RAP1GDS1: variants seen among roughly 807,000 people sequenced by gnomAD.
The protein encoded by RAP1GDS1 is Rap1 GTPase-GDP dissociation stimulator 1.
Under a neutral mutation model 71.1 loss-of-function variants are expected in RAP1GDS1, and 35 were observed. The observed-to-expected ratio is 0.49, with a 90% CI of 0.38 to 0.65. RAP1GDS1 has a LOEUF of 0.65. RAP1GDS1 is among the 30% of genes least tolerant of loss of function. The pLI is 0.00. For missense variants in RAP1GDS1, 663 were observed against 706.1 expected (o/e 0.94, Z 0.69); for synonymous variants, 229 against 243.1 (o/e 0.94, Z 0.54).
At chr4:98,441,762 A>ATCTT in intron 14 of RAP1GDS1, 1 of 537,622 alleles carries the variant, frequency 1.9e-6, no homozygotes, top group Non-Finnish European at 2.4e-6. Context: ...GCAAGTCCCC[A>ATCTT]TCTTTAAAAT....
At chr4:98,309,290 A>G (rs1251527726) in intron 2 of RAP1GDS1, among the ~76,000 whole-genome samples, 2 of 152,076 alleles carry the variant, frequency 1.3e-5, no homozygotes, top group African/African-American at 2.4e-5. Context: ...TCCTTTGGGA[A>G]GAATTTTGTA....
intron 2 of RAP1GDS1, among the ~76,000 whole-genome samples, chr4:98,317,724 A>G (rs1049373826): frequency 2.6e-5 from 4 of 151,994 alleles, no homozygotes; most frequent in African/African-American, 9.7e-5. Flanking sequence ...AGTGTGGGGT[A>G]TGGAGAGGGA....
rs185640899 is a variant in RAP1GDS1, at chr4:98,330,307, C to A, written c.113-12832C>A. ...TATTCGACAAAACCGGTATCGTCAT[C>A]ATGGCCCGTTCTCAATGAGCTGTTG... is the stretch of plus-strand genomic sequence containing the variant. On this transcript the variant is annotated intron_variant, in intron 2 of 14. Coordinates refer to ENST00000408927, the MANE Select transcript of RAP1GDS1 (RefSeq NM_001100427.2). Among the ~76,000 whole-genome samples the A allele has an allele frequency of 5.8e-4, 89 of 152,380 alleles. No individual in the cohort carries two copies. In the East Asian group the frequency reaches 6.7e-3, roughly 12 times the overall value.
At chr4:98,264,157 G>C (rs151249513) in intron 1 of RAP1GDS1, among the ~76,000 whole-genome samples, 1 of 152,126 alleles carries the variant, frequency 6.6e-6, no homozygotes, top group Non-Finnish European at 1.5e-5. Context: ...TTGGGAGGCC[G>C]AGGCGGGCGG....
intron 5 of RAP1GDS1, among the ~76,000 whole-genome samples, chr4:98,387,775 A>G (rs1742986937): frequency 6.6e-6 from 1 of 152,134 alleles, no homozygotes; most frequent in African/African-American, 2.4e-5. Context: ...TTTGCTATGT[A>G]TGGGCCTGGG....
intron 2 of RAP1GDS1, among the ~76,000 whole-genome samples, chr4:98,306,616 A>G (rs1729367323): frequency 6.6e-6 from 1 of 152,250 alleles, no homozygotes; most frequent in Non-Finnish European, 1.5e-5. Flanking sequence ...TTGGAAATGA[A>G]TTAATATTAG....
At chr4:98,435,147 T>C (rs1750966253) in intron 13 of RAP1GDS1, among the ~76,000 whole-genome samples, 1 of 152,164 alleles carries the variant, frequency 6.6e-6, no homozygotes, top group Non-Finnish European at 1.5e-5. Flanking sequence ...GCCATTTGGG[T>C]AAATACTGTT....
chr4:98,320,271 A>G (rs1033639037), intron 2 of RAP1GDS1, among the ~76,000 whole-genome samples: 6 of 152,126 alleles, frequency 3.9e-5, no homozygotes, highest in African/African-American at 1.4e-4. Flanking sequence ...CAACACATAT[A>G]CTTACTCATT....
At chr4:98,428,048 A>G (rs1291663915) in intron 12 of RAP1GDS1, among the ~76,000 whole-genome samples, 1 of 152,120 alleles carries the variant, frequency 6.6e-6, no homozygotes, top group Non-Finnish European at 1.5e-5. Flanking sequence ...CCGAGTAATA[A>G]CCCCAAATAC....
At chr4:98,331,326 C>T (rs1174664668) in intron 2 of RAP1GDS1, among the ~76,000 whole-genome samples, 4 of 126,366 alleles carry the variant, frequency 3.2e-5, no homozygotes, top group African/African-American at 9.5e-5. Flanking sequence ...CCGTGGAAAG[C>T]GGGAGACAGA....
chr4:98,311,335 C>CT (rs1169953063), intron 2 of RAP1GDS1, among the ~76,000 whole-genome samples: 6 of 152,058 alleles, frequency 3.9e-5, no homozygotes, highest in African/African-American at 1.4e-4. Context: ...GTCAAAGACT[C>CT]TTAAGTATTT....
Position 98,366,683 on chromosome 4 carries a change from A to G in RAP1GDS1, c.362-12334A>G, listed in dbSNP as rs539330004. On this transcript the variant is annotated intron_variant, in intron 4 of 14. Transcript: ENST00000408927. ...AGGTGGTCTCAGATAGAAATGAAAAACTTGTTGGAAACTGGAGCAAAGGTG... is the reference window on the plus strand; with the variant it reads ...AGGTGGTCTCAGATAGAAATGAAAAGCTTGTTGGAAACTGGAGCAAAGGTG... Among the ~76,000 whole-genome samples the G allele has an allele frequency of 3.9e-5, 6 of 152,232 alleles. No individual in the cohort carries two copies. In the South Asian group the frequency reaches 8.3e-4, roughly 21 times the overall value.
At chr4:98,384,120 C>T (rs1742399574) in intron 5 of RAP1GDS1, among the ~76,000 whole-genome samples, 1 of 151,326 alleles carries the variant, frequency 6.6e-6, no homozygotes, top group Non-Finnish European at 1.5e-5. Flanking sequence ...CTCAGAGATC[C>T]TTGTTCTGAT....
intron 2 of RAP1GDS1, among the ~76,000 whole-genome samples, chr4:98,329,614 C>G (rs1182971465): frequency 1.3e-5 from 2 of 151,932 alleles, no homozygotes; most frequent in Admixed American, 6.6e-5. Flanking sequence ...ATAGTGAAAC[C>G]TCATCTCTAC....
intron 7 of RAP1GDS1, among the ~76,000 whole-genome samples, chr4:98,407,194 A>T (rs1746245611): frequency 1.3e-5 from 2 of 152,084 alleles, no homozygotes; most frequent in African/African-American, 4.8e-5. Flanking sequence ...GGTAGCAGCT[A>T]TAATGTCACC....
At chr4:98,378,841 C>T (rs1741560379) in intron 4 of RAP1GDS1, among the ~76,000 whole-genome samples, 176 bp from the exon 5 acceptor site, 1 of 151,572 alleles carries the variant, frequency 6.6e-6, no homozygotes, top group African/African-American at 2.4e-5. Context: ...CCATCCCACC[C>T]CCATTTCCAT....
chr4:98,362,772 T>G (rs1237193682), intron 4 of RAP1GDS1, among the ~76,000 whole-genome samples: 1 of 152,208 alleles, frequency 6.6e-6, no homozygotes, highest in Non-Finnish European at 1.5e-5. Flanking sequence ...TAGTAATGAT[T>G]GTACTTACAA....
chr4:98,385,708 T>C (rs971570047), intron 5 of RAP1GDS1, among the ~76,000 whole-genome samples: 1 of 151,968 alleles, frequency 6.6e-6, no homozygotes, highest in African/African-American at 2.4e-5. Context: ...AATATGCAGA[T>C]GTATCTTGTT....
rs370739642 is a variant in RAP1GDS1 at position 98,418,386 on chromosome 4, G to T, written c.1040-271G>T. Reference sequence around the variant, plus strand: ...AAAATATTGGACATTCTAACCATGTGTTTCTACTTCTGATATATTATCTGG... The same window carrying T: ...AAAATATTGGACATTCTAACCATGTTTTTCTACTTCTGATATATTATCTGG... On this transcript the variant is annotated intron_variant, in intron 9 of 14. Transcript: ENST00000408927. 2.3e-3 allele frequency among the ~76,000 whole-genome samples: 349 copies of T among 152,168 alleles called. 2 individuals are homozygous for T. The highest frequency in any genetic ancestry group is 7.9e-3 in the African/African-American group (329 of 41,514).
Sources: gnomAD v4.1 joint callset for allele counts (sites outside exome capture counted in the v4.1 genomes callset) on GRCh38, gnomAD v4.1.1 for gene constraint, MANE v1.5 for transcripts, NCBI Gene and HGNC (gene_info 2026-07-23, HGNC 2026-07-21) for gene names.